The following TTC28 variants were observed in gnomAD, a reference collection of about 807,000 sequenced individuals.
The protein encoded by TTC28 is tetratricopeptide repeat domain 28, also known as tetratricopeptide repeat protein 28.
TTC28 carries 61 observed loss-of-function variants against 198.0 expected under a neutral mutation model. That is an observed-to-expected ratio of 0.31 (90% CI 0.25 to 0.38). The LOEUF is 0.38. TTC28 is among the 10% of genes least tolerant of loss of function. The pLI is 1.00. For missense variants in TTC28, 2,678 were observed against 3,164.0 expected, an observed-to-expected ratio of 0.85 and a Z score of 3.69; for synonymous variants, 1,171 against 1,297.8, an observed-to-expected ratio of 0.90 and a Z score of 2.10.
rs375847550 is a variant in TTC28, at chr22:27,996,237, G to A, written c.5142C>T (p.Asp1714=). ...NWAGFMLIGS[D]VKLNSPSSLI... ...GTGATGAGGGGCTGTTCAGCTTAAC[G>A]TCACTCCCGATGAGCATGAACCCTG... Residue 1714 remains aspartate (D), a synonymous_variant, in exon 17 of 23, where the codon GAC becomes GAT. Coordinates refer to ENST00000397906, the MANE Select transcript of TTC28 (RefSeq NM_001145418.2). The A allele has an allele frequency of 4.5e-6, 7 of 1,551,024 alleles. No individual in the cohort carries two copies. Among genetic ancestry groups the A allele is most frequent in the African/African-American group, 2.7e-5 (2 of 73,060 alleles).
chr22:28,295,130 T>C (rs1441340458), intron 5 of TTC28, among the ~76,000 whole-genome samples: 1 of 152,200 alleles, frequency 6.6e-6, no homozygotes, highest in East Asian at 1.9e-4. Context: ...CCAAAGTCCA[T>C]GGCCCTTCAA....
chr22:28,413,387 T>G (rs1454404438), intron 2 of TTC28, among the ~76,000 whole-genome samples: 1 of 152,026 alleles, frequency 6.6e-6, no homozygotes, highest in Admixed American at 6.6e-5. Context: ...GCAGTGAGCC[T>G]AGATTGCGCG....
intron 2 of TTC28, among the ~76,000 whole-genome samples, chr22:28,611,339 G>A (rs1209020277): frequency 6.6e-6 from 1 of 152,112 alleles, no homozygotes; most frequent in African/African-American, 2.4e-5. Context: ...CCCACAATGG[G>A]AAGCCCATCA....
At chr22:28,097,534 T>C (rs1942013922) in intron 10 of TTC28, among the ~76,000 whole-genome samples, 1 of 152,254 alleles carries the variant, frequency 6.6e-6, no homozygotes, top group Non-Finnish European at 1.5e-5. Flanking sequence ...GGAACTGGTC[T>C]ATAATCTAGT....
intron 2 of TTC28, among the ~76,000 whole-genome samples, chr22:28,516,133 G>C (rs1211805591): frequency 6.8e-6 from 1 of 146,370 alleles, no homozygotes; most frequent in African/African-American, 2.5e-5. Context: ...TGACAAGAGC[G>C]AAACTCCATC....
At position 28,297,748 on chromosome 22, in the gene TTC28, G is replaced by C. The variant is rs768590013; in HGVS notation, c.634C>G (p.His212Asp). 3.2e-6 allele frequency: 5 copies of C among 1,551,626 alleles called. No homozygotes were observed. The highest frequency in any genetic ancestry group is 1.7e-4 in the Middle Eastern group (1 of 5,978). Residue 212 changes from histidine to aspartate, a missense_variant, in exon 4 of 23, where the codon CAT (histidine) becomes GAT (aspartate). Coordinates refer to ENST00000397906, the MANE Select transcript of TTC28 (RefSeq NM_001145418.2). ...VGQELLTAGH[H>D]GASVVVLEAA... is the part of the protein sequence containing the mutation. ...TCTAAGACAACCACAGAGGCCCCATGATGGCCAGCTGTCAGGAGTTCCTGC... is the reference window on the plus strand; with the variant it reads ...TCTAAGACAACCACAGAGGCCCCATCATGGCCAGCTGTCAGGAGTTCCTGC...
intron 5 of TTC28, among the ~76,000 whole-genome samples, chr22:28,257,739 C>A (rs1047455739): frequency 1.0e-5 from 1 of 96,598 alleles, no homozygotes; most frequent in African/African-American, 4.7e-5. Flanking sequence ...GGTAATAGAA[C>A]ATATATATAT....
chr22:28,454,591 T>C (rs2047830546), intron 2 of TTC28, among the ~76,000 whole-genome samples: 2 of 152,210 alleles, frequency 1.3e-5, no homozygotes, highest in Admixed American at 1.3e-4. Context: ...AAGCAGTAAT[T>C]ATTCTGGAAA....
At chr22:28,030,941 G>A (rs5762454) in intron 12 of TTC28, among the ~76,000 whole-genome samples, 6 of 152,334 alleles carry the variant, frequency 3.9e-5, no homozygotes, top group East Asian at 1.9e-4. Flanking sequence ...CGCTGGAAAC[G>A]CAAACTTGAG....
chr22:28,219,743 A>G (rs1194438468), intron 5 of TTC28, among the ~76,000 whole-genome samples: 13 of 152,218 alleles, frequency 8.5e-5, no homozygotes, highest in African/African-American at 2.9e-4. Flanking sequence ...TGATGCATAA[A>G]TAACAGATCA....
chr22:28,677,173 AAAATATAT>A (rs2052006105), intron 1 of TTC28, among the ~76,000 whole-genome samples: 3 of 24,326 alleles, frequency 1.2e-4, no homozygotes, highest in East Asian at 6.5e-4. Context: ...AAAAAAAAAA[AAAATATAT>A]ATATATATAT....
At chr22:28,472,831 A>G (rs1042558456) in intron 2 of TTC28, among the ~76,000 whole-genome samples, 3 of 152,210 alleles carry the variant, frequency 2.0e-5, no homozygotes, top group Non-Finnish European at 2.9e-5. Flanking sequence ...ACACACTCAC[A>G]TCAAGCCATA....
At chr22:28,020,727 G>T (rs1010266000) in intron 13 of TTC28, among the ~76,000 whole-genome samples, 13 of 152,166 alleles carry the variant, frequency 8.5e-5, no homozygotes, top group Non-Finnish European at 1.5e-5. Context: ...AGCTTAAAGA[G>T]TGAAGTTAAT....
chr22:28,468,445 C>G (rs551812727), intron 2 of TTC28, among the ~76,000 whole-genome samples: 1 of 152,122 alleles, frequency 6.6e-6, no homozygotes, highest in Non-Finnish European at 1.5e-5. Flanking sequence ...TCCTCTCCCC[C>G]ATCTAAGCTC....
Position 28,280,765 on chromosome 22 carries a change from T to G in TTC28, c.933+15433A>C, listed in dbSNP as rs117311578. On this transcript the variant is annotated intron_variant, in intron 5 of 22. Transcript: ENST00000397906. The stretch of plus-strand genomic sequence containing the variant: ...GAATGGAAAATCTTCCTTTAGCATT[T>G]CTTATAGCGCAGGTCTGTTGATAAT... Among the ~76,000 whole-genome samples, 164 of 152,334 alleles carry G rather than the reference T, an allele frequency of 1.1e-3. No homozygotes were observed. The East Asian group carries it at 0.029, about 27-fold the overall frequency.
At chr22:28,536,251 T>C (rs1030240131) in intron 2 of TTC28, among the ~76,000 whole-genome samples, 3 of 143,584 alleles carry the variant, frequency 2.1e-5, no homozygotes, top group Non-Finnish European at 3.1e-5. Context: ...CCCTTTATAG[T>C]AACAACAAAA....
intron 2 of TTC28, among the ~76,000 whole-genome samples, chr22:28,487,832 G>A (rs1447121662): frequency 6.6e-6 from 1 of 152,020 alleles, no homozygotes; most frequent in African/African-American, 2.4e-5. Context: ...AAATTTAATG[G>A]CAAACATACC....
At chr22:28,657,895 A>C (rs961786616) in intron 1 of TTC28, among the ~76,000 whole-genome samples, 2 of 152,108 alleles carry the variant, frequency 1.3e-5, no homozygotes, top group African/African-American at 4.8e-5. Flanking sequence ...AAAAAAAATT[A>C]TTGATTGAAG....
chr22:28,581,181 G>A (rs1444869841), intron 2 of TTC28, among the ~76,000 whole-genome samples: 1 of 151,942 alleles, frequency 6.6e-6, no homozygotes, highest in Non-Finnish European at 1.5e-5. Flanking sequence ...CACGAGATCT[G>A]GTTTAAAAAT....
Sources: allele counts gnomAD v4.1 joint callset (sites outside exome capture counted in the v4.1 genomes callset), GRCh38; gene constraint gnomAD v4.1.1; transcripts MANE v1.5; gene names NCBI Gene and HGNC (gene_info 2026-07-23, HGNC 2026-07-21).